The following AGBL3 variants were observed in gnomAD, a reference collection of about 807,000 sequenced individuals.
The protein encoded by AGBL3 is AGBL carboxypeptidase 3, also known as cytosolic carboxypeptidase 3.
AGBL3 carries 68 observed loss-of-function variants against 94.5 expected under a neutral mutation model. That is an observed-to-expected ratio of 0.72 (90% confidence interval 0.59 to 0.88). The LOEUF is 0.88. Ranked by LOEUF, AGBL3 falls within the 40% of genes least tolerant of loss-of-function variation. The pLI, the probability that AGBL3 is intolerant of heterozygous loss-of-function variation, is 0.00. For synonymous variants in AGBL3, 354 were observed against 370.7 expected, an observed-to-expected ratio of 0.95 and a Z score of 0.52; for missense variants, 934 against 1,103.8, an observed-to-expected ratio of 0.85 and a Z score of 2.18.
chr7:135,052,419 A>C (rs1395309388), intron 11 of AGBL3, among the ~76,000 whole-genome samples: 1 of 152,118 alleles, frequency 6.6e-6, no homozygotes, highest in Non-Finnish European at 1.5e-5. Flanking sequence ...ACTTTTTCCA[A>C]TTAGCACTTT....
At chr7:135,063,561 G>C (rs1399626280) in intron 12 of AGBL3, among the ~76,000 whole-genome samples, 2 of 151,652 alleles carry the variant, frequency 1.3e-5, no homozygotes, top group Non-Finnish European at 2.9e-5. Context: ...GATAAGTTTT[G>C]ATATGTTGTA....
In AGBL3 at chr7:135,078,946, T is replaced by C. The variant is rs151321458; in HGVS notation, c.1981-1257T>C. Among the ~76,000 whole-genome samples the C allele has an allele frequency of 8.6e-4, 131 of 152,314 alleles. 1 individual carries two copies. Among genetic ancestry groups the C allele is most frequent in the African/African-American group, 2.7e-3 (112 of 41,576 alleles). ...TTGCTTATAAGAAGACATCAATACA[T>C]CCCTAAAATAATATTGGCAAATTAT... On this transcript the variant is annotated intron_variant, in intron 13 of 16. Coordinates refer to ENST00000436302, the MANE Select transcript of AGBL3 (RefSeq NM_178563.4).
At chr7:135,120,061 G>T (rs1826924902) in intron 16 of AGBL3, among the ~76,000 whole-genome samples, 1 of 152,028 alleles carries the variant, frequency 6.6e-6, no homozygotes, top group African/African-American at 2.4e-5. Flanking sequence ...GTCAAGAAAG[G>T]TTCAGATAAA....
At chr7:135,065,879 A>G (rs1486441845) in intron 12 of AGBL3, among the ~76,000 whole-genome samples, 1 of 152,202 alleles carries the variant, frequency 6.6e-6, no homozygotes, top group Non-Finnish European at 1.5e-5. Context: ...CAACAGAATG[A>G]GACCCTGTAT....
chr7:135,134,380 C>A (rs1829191003), intron 16 of AGBL3, among the ~76,000 whole-genome samples: 1 of 150,400 alleles, frequency 6.6e-6, no homozygotes, highest in South Asian at 2.1e-4. Context: ...TTTACAAAAG[C>A]TCCCCCGAGG....
At chr7:135,024,949 C>A (rs1430599002) in intron 5 of AGBL3, among the ~76,000 whole-genome samples, 2 of 151,426 alleles carry the variant, frequency 1.3e-5, no homozygotes, top group Admixed American at 6.6e-5. Context: ...ATGAACAAAA[C>A]CTTTGAGAAA....
At chr7:135,097,529 A>G (rs1371352097) in intron 15 of AGBL3, among the ~76,000 whole-genome samples, 3 of 152,158 alleles carry the variant, frequency 2.0e-5, no homozygotes, top group Non-Finnish European at 4.4e-5. Context: ...AAATTTTGGC[A>G]TGTTTCATTC....
chr7:135,095,106 C>A (rs1822461963), intron 15 of AGBL3, among the ~76,000 whole-genome samples: 1 of 152,160 alleles, frequency 6.6e-6, no homozygotes, highest in South Asian at 2.1e-4. Flanking sequence ...ACAGTCTTTA[C>A]CAGAACCTTA....
chr7:135,128,648 A>C (rs1271421040), intron 16 of AGBL3: 94 of 967,954 alleles, frequency 9.7e-5, no homozygotes, highest in South Asian at 7.9e-4. Context: ...CCTGGATGCA[A>C]TTTCTTAAGG....
intron 13 of AGBL3, among the ~76,000 whole-genome samples, chr7:135,077,646 C>T (rs1018003186): frequency 2.0e-5 from 3 of 152,184 alleles, no homozygotes; most frequent in African/African-American, 7.2e-5. Context: ...AGCAGCAAAT[C>T]CGTACAGGTC....
chr7:135,003,668 T>C (rs73151993), intron 4 of AGBL3, among the ~76,000 whole-genome samples: 10,334 of 151,632 alleles, frequency 0.068, 428 homozygotes, highest in East Asian at 0.19. Context: ...TTTTTTTTTT[T>C]CTGCACCGTT....
chr7:135,006,995 T>C (rs1812468758), intron 4 of AGBL3, among the ~76,000 whole-genome samples: 2 of 151,872 alleles, frequency 1.3e-5, no homozygotes, highest in African/African-American at 4.8e-5. Context: ...AAATAGAACA[T>C]CTAAATAGAC....
At chr7:135,065,917 C>G (rs74994535) in intron 12 of AGBL3, among the ~76,000 whole-genome samples, 8 of 152,070 alleles carry the variant, frequency 5.3e-5, no homozygotes, top group African/African-American at 1.9e-4. Flanking sequence ...TGTTGGGAAA[C>G]TGGATATATA....
chr7:135,125,331 C>T (rs1432938887), intron 16 of AGBL3, among the ~76,000 whole-genome samples: 1 of 152,054 alleles, frequency 6.6e-6, no homozygotes, highest in Non-Finnish European at 1.5e-5. Flanking sequence ...CACACCCTCC[C>T]AAGACTAAAC....
At position 134,993,563 on chromosome 7, in the gene AGBL3, G is replaced by A; in HGVS notation, c.195G>A (p.Trp65Ter). 1 of 1,551,796 alleles carries A rather than the reference G, an allele frequency of 6.4e-7. No homozygotes were observed. Among genetic ancestry groups the A allele is most frequent in the African/African-American group, 1.4e-5 (1 of 73,134 alleles). The change falls in exon 4 of 17, where the codon TGG (tryptophan) becomes TGA (stop). Residue 65 changes from tryptophan (W) to a stop codon, truncating the protein, a stop_gained. Transcript: ENST00000436302. LOFTEE classifies it high-confidence loss of function. ...TATTAGAATATCAGCTAGGGAGATG[G>A]GTGCCACGTCTTCGTGAACCAAGGG... Reference protein sequence around the residue: ...QILLEYQLGRWVPRLREPRDL... With the variant: ...QILLEYQLGR
chr7:135,134,158 C>A (rs1442434145), intron 16 of AGBL3, among the ~76,000 whole-genome samples: 1 of 152,018 alleles, frequency 6.6e-6, no homozygotes. Flanking sequence ...ATGTCAATAT[C>A]CTGATTGTGA....
intron 12 of AGBL3, among the ~76,000 whole-genome samples, chr7:135,070,141 C>A (rs2116773580): frequency 6.6e-6 from 1 of 152,278 alleles, no homozygotes; most frequent in Non-Finnish European, 1.5e-5. Flanking sequence ...TGGATAAATT[C>A]CTCGACACAT....
At chr7:135,102,038 C>T (rs1468712320) in intron 15 of AGBL3, among the ~76,000 whole-genome samples, 4 of 152,208 alleles carry the variant, frequency 2.6e-5, no homozygotes, top group African/African-American at 9.6e-5. Context: ...GATCGTGAGG[C>T]CTCCCTAGCC....
At chr7:135,122,623 G>A (rs1479673343) in intron 16 of AGBL3, among the ~76,000 whole-genome samples, 1 of 152,154 alleles carries the variant, frequency 6.6e-6, no homozygotes. Flanking sequence ...CTATACGTGA[G>A]CAATACTGCT....
Sources: allele counts gnomAD v4.1 joint callset (sites outside exome capture counted in the v4.1 genomes callset), GRCh38; gene constraint gnomAD v4.1.1; transcripts MANE v1.5; gene names NCBI Gene and HGNC (gene_info 2026-07-23, HGNC 2026-07-21).